Variants in SGCD observed in about 807,000 individuals in gnomAD.
The protein encoded by SGCD is sarcoglycan delta.
A neutral mutation model predicts 36.6 loss-of-function variants in SGCD; 18 were observed. That is an observed-to-expected ratio of 0.49 (90% CI 0.34 to 0.73). SGCD has a LOEUF of 0.73. Among genes scored for constraint, SGCD ranks in the 30% least tolerant of loss-of-function variants. The probability of loss-of-function intolerance (pLI) is 0.01; values close to 1 mark genes in which losing one functional copy is unlikely to be tolerated. For synonymous variants in SGCD, 133 were observed against 130.6 expected (o/e 1.02, Z -0.12); for missense variants, 387 against 346.7 (o/e 1.12, Z -0.92).
chr5:156,301,547 A>G lies in SGCD; in HGVS notation c.-43-27987A>G, dbSNP rs553129479. Reference sequence around the variant, plus strand: ...AAGATTTGAGTAGTTTAAATACCTCAATTACAGGGGTTATAATAGTCTGTA... The same window carrying G: ...AAGATTTGAGTAGTTTAAATACCTCGATTACAGGGGTTATAATAGTCTGTA... On this transcript the variant is annotated intron_variant, in intron 3 of 9. Coordinates refer to the SGCD transcript ENST00000517913. Among the ~76,000 whole-genome samples, 7 of 152,196 alleles carry G rather than the reference A, an allele frequency of 4.6e-5. 1 individual carries two copies. Among genetic ancestry groups the G allele is most frequent in the Admixed American group, 4.6e-4 (7 of 15,284 alleles).
chr5:156,231,229 G>C (rs1765006561), intron 3 of SGCD, among the ~76,000 whole-genome samples: 1 of 152,060 alleles, frequency 6.6e-6, no homozygotes, highest in Non-Finnish European at 1.5e-5. Flanking sequence ...GTAGATTCTG[G>C]CAACCTGTTA....
At chr5:156,085,753 AC>A (rs932010357) in intron 1 of SGCD, among the ~76,000 whole-genome samples, 1 of 152,164 alleles carries the variant, frequency 6.6e-6, no homozygotes, top group African/African-American at 2.4e-5. Context: ...GCCTGGAGAT[AC>A]CCTTTTTAGG....
upstream of SGCD, among the ~76,000 whole-genome samples, chr5:155,868,102 A>G (rs568998761): frequency 3.3e-5 from 5 of 151,750 alleles, no homozygotes; most frequent in South Asian, 1.0e-3. Context: ...CCCAGGCTGT[A>G]GTGCAGTGGT....
the SGCD span, among the ~76,000 whole-genome samples, chr5:155,773,037 C>T: frequency 2.0e-5 from 3 of 152,142 alleles, no homozygotes; most frequent in African/African-American, 7.2e-5. Flanking sequence ...TACTATGCTG[C>T]TGTCTCCCAT....
chr5:155,891,579 G>GTTTTT (rs1756132926), intron 1 of SGCD, among the ~76,000 whole-genome samples: 1 of 3,506 alleles, frequency 2.9e-4, no homozygotes, highest in African/African-American at 1.1e-3. Context: ...TTTTTTTTTG[G>GTTTTT]TGACATTACT....
intron 3 of SGCD, among the ~76,000 whole-genome samples, chr5:156,471,149 G>C (rs7721218): frequency 0.03 from 4,508 of 152,248 alleles, 195 homozygotes; most frequent in African/African-American, 0.095. Context: ...TTCTCTAGGA[G>C]AGAACTATTA....
intron 3 of SGCD, among the ~76,000 whole-genome samples, chr5:156,453,662 T>C (rs1232727835): frequency 3.3e-5 from 5 of 152,126 alleles, no homozygotes; most frequent in African/African-American, 1.2e-4. Flanking sequence ...TGCTGCTAAA[T>C]ATACAATACA....
At chr5:155,793,969 A>AAAGAG in the SGCD span, among the ~76,000 whole-genome samples, 2 of 151,100 alleles carry the variant, frequency 1.3e-5, no homozygotes, top group African/African-American at 4.9e-5. Flanking sequence ...AAAAAAAAAA[A>AAAGAG]AGAGAGAGAA....
intron 3 of SGCD, among the ~76,000 whole-genome samples, chr5:156,427,469 A>G (rs1357001239): frequency 1.3e-5 from 2 of 152,024 alleles, no homozygotes; most frequent in Non-Finnish European, 2.9e-5. Flanking sequence ...TAGATGTACA[A>G]TCATATTGGT....
rs191917637 is a variant in SGCD, at chr5:156,068,417, C to A, written c.-281-49461C>A. Among the ~76,000 whole-genome samples the A allele has an allele frequency of 3.0e-4, 46 of 152,136 alleles. 1 individual carries two copies. In the East Asian group the frequency reaches 8.1e-3, roughly 27 times the overall value. On this transcript the variant is annotated intron_variant, in intron 1 of 9. Transcript: ENST00000517913. Reference sequence around the variant, plus strand: ...GATACTTTACTGAGAATGATGATTTCCAATTTCATCCATGTCCCTACAAAG... The same window carrying A: ...GATACTTTACTGAGAATGATGATTTACAATTTCATCCATGTCCCTACAAAG...
rs150296599 is a variant in SGCD, at chr5:156,399,085, A to C, written c.192+54408A>C. Reference sequence around the variant, plus strand: ...ATGTGATTTAAAATTTATTGTTGTAATAGTTGATCTATTAATATTACTATT... The same window carrying C: ...ATGTGATTTAAAATTTATTGTTGTACTAGTTGATCTATTAATATTACTATT... On this transcript the variant is annotated intron_variant, in intron 3 of 8. Coordinates refer to ENST00000337851, the MANE Select transcript of SGCD (RefSeq NM_000337.6). Among the ~76,000 whole-genome samples, 713 of 152,262 alleles carry C rather than the reference A, an allele frequency of 4.7e-3. 4 individuals carry two copies. The highest frequency in any genetic ancestry group is 4.7e-3 in the Non-Finnish European group (318 of 68,032).
chr5:155,998,646 G>A (rs1028420790), intron 1 of SGCD, among the ~76,000 whole-genome samples: 6 of 152,094 alleles, frequency 3.9e-5, no homozygotes, highest in Non-Finnish European at 8.8e-5. Context: ...CTGGCCATTC[G>A]GATGACTGCA....
At chr5:156,062,395 G>A (rs1323178645) in intron 1 of SGCD, among the ~76,000 whole-genome samples, 2 of 77,426 alleles carry the variant, frequency 2.6e-5, no homozygotes, top group Non-Finnish European at 4.7e-5. Flanking sequence ...ATAAACATAC[G>A]TGTGCATGTG....
chr5:155,911,465 A>G (rs1325948548), intron 1 of SGCD, among the ~76,000 whole-genome samples: 2 of 151,910 alleles, frequency 1.3e-5, no homozygotes, highest in Non-Finnish European at 2.9e-5. Flanking sequence ...TCACAATAGT[A>G]TTTGTATTTC....
rs2127581527 is a variant in SGCD, at chr5:156,052,505, T to C, written c.-281-65373T>C. Among the ~76,000 whole-genome samples, 2 of 146,254 alleles carry C rather than the reference T, an allele frequency of 1.4e-5. 1 individual carries two copies. The highest frequency in any genetic ancestry group is 4.3e-4 in the South Asian group (2 of 4,618). Reference sequence around the variant, plus strand: ...TGGGTATTGTGAGCAGAATAAACTGTTGGGCCAGGGCTAGTTGGAAGGTTA... The same window carrying C: ...TGGGTATTGTGAGCAGAATAAACTGCTGGGCCAGGGCTAGTTGGAAGGTTA... On this transcript the variant is annotated intron_variant, in intron 1 of 9. Transcript: ENST00000517913.
chr5:156,302,734 G>T (rs1767083627), intron 3 of SGCD, among the ~76,000 whole-genome samples: 1 of 152,164 alleles, frequency 6.6e-6, no homozygotes, highest in South Asian at 2.1e-4. Context: ...GCTTGTAGAG[G>T]TACCACCTTG....
the SGCD span, among the ~76,000 whole-genome samples, chr5:155,753,575 C>A: frequency 6.6e-6 from 1 of 152,018 alleles, no homozygotes; most frequent in Non-Finnish European, 1.5e-5. Flanking sequence ...GCAATGTGCA[C>A]AAAGGGCCAC....
At position 156,052,661 on chromosome 5, in the gene SGCD, T is replaced by G. The variant is rs1291094695; in HGVS notation, c.-281-65217T>G. Reference sequence around the variant, plus strand: ...AATGAGGACTCCTAGCAGGGCTGGCTGCATACTTTGTGAAACACAGTGCAA... The same window carrying G: ...AATGAGGACTCCTAGCAGGGCTGGCGGCATACTTTGTGAAACACAGTGCAA... On this transcript the variant is annotated intron_variant, in intron 1 of 9. Transcript: ENST00000517913. 1.8e-4 allele frequency among the ~76,000 whole-genome samples: 26 copies of G among 146,056 alleles called. 2 individuals are homozygous for G.
At chr5:156,316,620 A>T (rs1431942715) in intron 3 of SGCD, among the ~76,000 whole-genome samples, 1 of 152,066 alleles carries the variant, frequency 6.6e-6, no homozygotes, top group Non-Finnish European at 1.5e-5. Flanking sequence ...AGCCACATGG[A>T]ACAGAATAGT....
Sources: allele counts gnomAD v4.1 joint callset (sites outside exome capture counted in the v4.1 genomes callset), GRCh38; gene constraint gnomAD v4.1.1; transcripts MANE v1.5; gene names NCBI Gene and HGNC (gene_info 2026-07-23, HGNC 2026-07-21).